MYO1B: variants seen among roughly 807,000 people sequenced by gnomAD.
The protein encoded by MYO1B is myosin IB.
A neutral mutation model predicts 159.7 loss-of-function variants in MYO1B; 72 were observed. The observed-to-expected ratio is 0.45, with a 90% CI of 0.37 to 0.55. The LOEUF (loss-of-function observed/expected upper bound fraction) is 0.55, where lower values mean the gene tolerates loss of function less well. Among genes scored for constraint, MYO1B ranks in the 20% least tolerant of loss-of-function variants. MYO1B has a pLI of 0.00. For missense variants in MYO1B, 1,062 were observed against 1,364.8 expected, an observed-to-expected ratio of 0.78 and a Z score of 3.50; for synonymous variants, 468 against 473.8, an observed-to-expected ratio of 0.99 and a Z score of 0.16.
At chr2:191,257,327 G>A (rs1469004174) in intron 1 of MYO1B, among the ~76,000 whole-genome samples, 2 of 152,160 alleles carry the variant, frequency 1.3e-5, no homozygotes, top group Non-Finnish European at 2.9e-5. Context: ...TTGGGTGGCT[G>A]CAAGGAAGGG....
chr2:191,287,656 G>A lies in MYO1B; in HGVS notation c.136-8455G>A, dbSNP rs555748249. ...ACTTACACAATATTTCAAATACATT[G>A]AAGAATTATTATTATGAAATGACAT... On this transcript the variant is annotated intron_variant, in intron 2 of 30. Coordinates refer to ENST00000392318, the MANE Select transcript of MYO1B (RefSeq NM_001130158.3). Among the ~76,000 whole-genome samples, 26 of 152,224 alleles carry A rather than the reference G, an allele frequency of 1.7e-4. No individual in the cohort carries two copies. In the South Asian group the frequency reaches 5.0e-3, roughly 29 times the overall value.
chr2:191,383,460 A>ATGTGTGTGTG (rs1695174020), intron 15 of MYO1B, 118 bp downstream of exon 15: 1 of 23,282 alleles, frequency 4.3e-5, no homozygotes, highest in African/African-American at 7.6e-5. Flanking sequence ...ATATATATAT[A>ATGTGTGTGTG]TATATATATA....
At chr2:191,246,372 C>T (rs115294252) in intron 1 of MYO1B, 10,870 of 152,138 alleles carry the variant, frequency 0.071, 1,249 homozygotes, top group African/African-American at 0.24. Flanking sequence ...GGAGAGGTAA[C>T]TACAAACACA....
intron 21 of MYO1B, among the ~76,000 whole-genome samples, chr2:191,399,194 G>T (rs1202026002): frequency 2.6e-5 from 4 of 152,208 alleles, no homozygotes; most frequent in African/African-American, 9.7e-5. Flanking sequence ...CAGGGAGGTT[G>T]CAGTGAGCTG....
At chr2:191,246,202 C>G (rs1054669275) in intron 1 of MYO1B, 2 of 152,082 alleles carry the variant, frequency 1.3e-5, no homozygotes, top group Non-Finnish European at 2.9e-5. Context: ...CCCTGGGTCT[C>G]GTTTCCTGCC....
At chr2:191,322,328 A>C (rs2125897352) in intron 3 of MYO1B, among the ~76,000 whole-genome samples, 1 of 152,276 alleles carries the variant, frequency 6.6e-6, no homozygotes, top group South Asian at 2.1e-4. Context: ...TCTTAAGTTC[A>C]GTCCTTTTCC....
intron 1 of MYO1B, among the ~76,000 whole-genome samples, chr2:191,261,905 A>G (rs192593177): frequency 6.6e-6 from 1 of 152,316 alleles, no homozygotes; most frequent in African/African-American, 2.4e-5. Flanking sequence ...TTCATTTAAA[A>G]TGACTTGTTT....
At chr2:191,292,067 G>A (rs1474652752) in intron 2 of MYO1B, among the ~76,000 whole-genome samples, 1 of 152,138 alleles carries the variant, frequency 6.6e-6, no homozygotes, top group Non-Finnish European at 1.5e-5. Context: ...AAACAGAAAG[G>A]GCAGGTATAG....
intron 27 of MYO1B, among the ~76,000 whole-genome samples, chr2:191,412,893 T>C (rs1697334843): frequency 6.6e-6 from 1 of 152,208 alleles, no homozygotes; most frequent in Non-Finnish European, 1.5e-5. Flanking sequence ...GTTACTTCTG[T>C]CCATTTAGAG....
At chr2:191,265,669 A>T (rs1432718173) in intron 1 of MYO1B, among the ~76,000 whole-genome samples, 4 of 152,154 alleles carry the variant, frequency 2.6e-5, no homozygotes, top group African/African-American at 7.2e-5. Context: ...TGCCAATCTA[A>T]ACACATTGAC....
chr2:191,359,312 G>GT (rs3053692), intron 7 of MYO1B, among the ~76,000 whole-genome samples: 41,964 of 134,620 alleles, frequency 0.31, 6,728 homozygotes, highest in South Asian at 0.47. Context: ...AACCTTTGGG[G>GT]TTTTTTTTTT....
chr2:191,307,633 C>A (rs1689729612), intron 3 of MYO1B, among the ~76,000 whole-genome samples: 1 of 152,128 alleles, frequency 6.6e-6, no homozygotes, highest in Admixed American at 6.5e-5. Context: ...TTAGCACAGA[C>A]CACACAGGTC....
chr2:191,360,163 A>G (rs1248468232), intron 7 of MYO1B, among the ~76,000 whole-genome samples: 1 of 152,226 alleles, frequency 6.6e-6, no homozygotes, highest in Non-Finnish European at 1.5e-5. Context: ...CAACTGTAGA[A>G]TGATACCTTA....
intron 3 of MYO1B, among the ~76,000 whole-genome samples, chr2:191,300,176 AG>A (rs1310971658): frequency 6.6e-6 from 1 of 152,164 alleles, no homozygotes; most frequent in Non-Finnish European, 1.5e-5. Context: ...TTGTGATGTA[AG>A]GGGGTAAGAT....
chr2:191,316,048 T>G (rs774173996), intron 3 of MYO1B, among the ~76,000 whole-genome samples: 51 of 152,222 alleles, frequency 3.4e-4, no homozygotes, highest in Non-Finnish European at 5.7e-4. Flanking sequence ...ACAGATAGAT[T>G]GCATATTTCC....
chr2:191,295,345 G>T (rs992527966), intron 2 of MYO1B, among the ~76,000 whole-genome samples: 6 of 152,152 alleles, frequency 3.9e-5, no homozygotes, highest in African/African-American at 1.4e-4. Context: ...AAGAGAAATT[G>T]TGTTCTGGTT....
At chr2:191,293,084 T>G (rs1171870636) in intron 2 of MYO1B, among the ~76,000 whole-genome samples, 1 of 152,244 alleles carries the variant, frequency 6.6e-6, no homozygotes, top group East Asian at 1.9e-4. Context: ...ATTCACATCA[T>G]GGCTTCCAGC....
At chr2:191,387,148 T>A in intron 16 of MYO1B, 76 bp from the exon 17 acceptor site, 1 of 1,419,338 alleles carries the variant, frequency 7.0e-7, no homozygotes, top group Non-Finnish European at 9.7e-7. Flanking sequence ...GTAGATAGTC[T>A]TGGAGTATTT....
At chr2:191,279,345 T>A (rs1687918866) in intron 2 of MYO1B, among the ~76,000 whole-genome samples, 1 of 151,028 alleles carries the variant, frequency 6.6e-6, no homozygotes, top group Non-Finnish European at 1.5e-5. Context: ...AAGATGTGTA[T>A]GGGGGTTTAC....
Sources: gnomAD v4.1 joint callset for allele counts (sites outside exome capture counted in the v4.1 genomes callset) on GRCh38, gnomAD v4.1.1 for gene constraint, MANE v1.5 for transcripts, NCBI Gene and HGNC (gene_info 2026-07-23, HGNC 2026-07-21) for gene names.